Variants in ITGAV observed in about 807,000 individuals in gnomAD.
The protein encoded by ITGAV is integrin alpha-V.
In ITGAV, 76 loss-of-function variants were observed where a neutral mutation model predicts 143.8. The observed-to-expected ratio is 0.53, with a 90% CI of 0.44 to 0.64. The LOEUF is 0.64. ITGAV is among the 30% of genes least tolerant of loss of function. The pLI is 0.00. For synonymous variants in ITGAV, 453 were observed against 446.7 expected (o/e 1.01, Z -0.18); for missense variants, 1,193 against 1,274.7 (o/e 0.94, Z 0.98).
At chr2:186,609,132 A>T (rs1014565885) in intron 2 of ITGAV, among the ~76,000 whole-genome samples, 1 of 152,238 alleles carries the variant, frequency 6.6e-6, no homozygotes, top group Non-Finnish European at 1.5e-5. Context: ...ACTAAAAGGT[A>T]TAGGATTAAA....
At chr2:186,620,265 A>G (rs893325214) in intron 2 of ITGAV, among the ~76,000 whole-genome samples, 3 of 152,146 alleles carry the variant, frequency 2.0e-5, no homozygotes, top group Admixed American at 6.5e-5. Context: ...AAATGTTCCC[A>G]TAAGAGGCAG....
At chr2:186,667,560 AAAATT>A in intron 23 of ITGAV, 106 bp from the exon 24 acceptor site, 1 of 544,226 alleles carries the variant, frequency 1.8e-6, no homozygotes, top group Non-Finnish European at 3.2e-6. Context: ...AGTATTTTTT[AAAATT>A]AAATCTAATT....
intron 26 of ITGAV, among the ~76,000 whole-genome samples, chr2:186,674,647 G>A (rs1265334190): frequency 6.6e-6 from 1 of 152,062 alleles, no homozygotes; most frequent in African/African-American, 2.4e-5. Flanking sequence ...AAGTAGCTGG[G>A]ATTACAGGTG....
At chr2:186,612,035 G>A (rs1397303432) in intron 2 of ITGAV, among the ~76,000 whole-genome samples, 1 of 152,200 alleles carries the variant, frequency 6.6e-6, no homozygotes, top group African/African-American at 2.4e-5. Flanking sequence ...GATTGTTTAT[G>A]TTGTGCCCAT....
chr2:186,668,502 G>A (rs1688977508), intron 24 of ITGAV: 1 of 341,390 alleles, frequency 2.9e-6, no homozygotes, highest in African/African-American at 2.2e-5. Flanking sequence ...GCCTCCCAAA[G>A]TGCTGGGATT....
rs1256353880 is a variant in ITGAV, at chr2:186,636,096, G to A, written c.646G>A (p.Asp216Asn). 2 of 1,612,186 alleles carry A rather than the reference G, an allele frequency of 1.2e-6. No individual in the cohort carries two copies. The change falls in exon 7 of 30, where the codon GAT (aspartate) becomes AAT (asparagine). Residue 216 changes from aspartate to asparagine, a missense_variant. Transcript: ENST00000261023. ...SFYWQGQLIS[D>N]QVAEIVSKYD... ...CCCTTTTTTAGGTCAGCTTATTTCG[G>A]ATCAAGTGGCAGAAATCGTATCTAA... is the stretch of plus-strand genomic sequence containing the variant.
Position 186,607,516 on chromosome 2 carries a change from T to C in ITGAV, c.316+5365T>C, listed in dbSNP as rs1486563389. 2.0e-5 allele frequency among the ~76,000 whole-genome samples: 3 copies of C among 152,102 alleles called. No homozygotes were observed. The East Asian group carries it at 5.8e-4, about 29-fold the overall frequency. ...GTAGTGATAGTTGAAATGGTAGAAC[T>C]TCTGTCAACCTGAGGCCTGTGGTAA... is the stretch of plus-strand genomic sequence containing the variant. On this transcript the variant is annotated intron_variant, in intron 2 of 29. Coordinates refer to ENST00000261023, the MANE Select transcript of ITGAV (RefSeq NM_002210.5).
chr2:186,625,165 C>A (rs1687638157), intron 3 of ITGAV, among the ~76,000 whole-genome samples: 1 of 151,942 alleles, frequency 6.6e-6, no homozygotes, highest in South Asian at 2.1e-4. Context: ...TGCTTGAGTT[C>A]AGTTAGAGAC....
chr2:186,614,557 C>G (rs1687299706), intron 2 of ITGAV, among the ~76,000 whole-genome samples: 1 of 151,944 alleles, frequency 6.6e-6, no homozygotes, highest in Non-Finnish European at 1.5e-5. Flanking sequence ...TACTATCTTC[C>G]TTTGCCTGAC....
chr2:186,599,838 A>G (rs890755992), intron 1 of ITGAV, among the ~76,000 whole-genome samples: 3 of 152,074 alleles, frequency 2.0e-5, no homozygotes, highest in Admixed American at 6.5e-5. Flanking sequence ...CTTTTCTCTC[A>G]TATTCAGGCC....
At chr2:186,675,354 G>T (rs556151793) in intron 26 of ITGAV, among the ~76,000 whole-genome samples, 2 of 152,000 alleles carry the variant, frequency 1.3e-5, no homozygotes, top group Non-Finnish European at 2.9e-5. Context: ...AACAAATCAC[G>T]ATAAAACCAA....
At chr2:186,624,177 C>T (rs1687610569) in intron 3 of ITGAV, among the ~76,000 whole-genome samples, 1 of 152,136 alleles carries the variant, frequency 6.6e-6, no homozygotes, top group Non-Finnish European at 1.5e-5. Flanking sequence ...TGTGTTTCCT[C>T]TGCTTGTATA....
At chr2:186,612,585 C>A (rs1687245150) in intron 2 of ITGAV, among the ~76,000 whole-genome samples, 2 of 152,086 alleles carry the variant, frequency 1.3e-5, no homozygotes, top group Admixed American at 6.6e-5. Context: ...GTTCTGTGGT[C>A]AAGAAAAATG....
intron 16 of ITGAV, among the ~76,000 whole-genome samples, chr2:186,655,864 TAATC>T (rs1453923857): frequency 6.6e-6 from 1 of 152,170 alleles, no homozygotes; most frequent in Non-Finnish European, 1.5e-5. Context: ...AAATACTTCT[TAATC>T]AAAATCAGCA....
intron 1 of ITGAV, among the ~76,000 whole-genome samples, chr2:186,591,060 T>C (rs1686603581): frequency 1.3e-5 from 2 of 152,208 alleles, no homozygotes; most frequent in African/African-American, 4.8e-5. Context: ...AAAATGACCA[T>C]ACTGTCCTAT....
At chr2:186,657,885 G>C (rs7589682) in intron 17 of ITGAV, among the ~76,000 whole-genome samples, 42,940 of 151,800 alleles carry the variant, frequency 0.28, 6,780 homozygotes, top group Non-Finnish European at 0.36. Flanking sequence ...AAGCCCAGAT[G>C]GTTTTATAGG....
At chr2:186,626,885 C>T (rs1010271736) in intron 4 of ITGAV, among the ~76,000 whole-genome samples, 22 of 151,890 alleles carry the variant, frequency 1.4e-4, no homozygotes, top group African/African-American at 4.6e-4. Flanking sequence ...CTGTCATCTT[C>T]GGTGGTATGT....
chr2:186,649,334 G>C (rs1301732174), intron 13 of ITGAV, among the ~76,000 whole-genome samples: 1 of 151,454 alleles, frequency 6.6e-6, no homozygotes, highest in Non-Finnish European at 1.5e-5. Flanking sequence ...GGTATACTGT[G>C]AGATAGAGCT....
chr2:186,616,505 C>T lies in ITGAV; in HGVS notation c.317-5834C>T, dbSNP rs1245667569. 2.0e-5 allele frequency among the ~76,000 whole-genome samples: 3 copies of T among 151,804 alleles called. No individual in the cohort carries two copies. In the East Asian group the frequency reaches 5.8e-4, roughly 29 times the overall value. The stretch of plus-strand genomic sequence containing the variant: ...GTGTTAGCCAGGATGGTCTCGATCT[C>T]CTGACCTCGTGATCCGCCCGCCTCG... On this transcript the variant is annotated intron_variant, in intron 2 of 29. Coordinates refer to ENST00000261023, the MANE Select transcript of ITGAV (RefSeq NM_002210.5).
Sources: allele counts gnomAD v4.1 joint callset (sites outside exome capture counted in the v4.1 genomes callset), GRCh38; gene constraint gnomAD v4.1.1; transcripts MANE v1.5; gene names NCBI Gene and HGNC (gene_info 2026-07-23, HGNC 2026-07-21).